LHFPL3: variants seen among roughly 807,000 people sequenced by gnomAD.
The protein encoded by LHFPL3 is LHFPL tetraspan subfamily member 3 protein.
A neutral mutation model predicts 19.3 loss-of-function variants in LHFPL3; 5 were observed. The ratio of observed to expected loss-of-function variants is 0.26; its 90% CI spans 0.14 to 0.54. LHFPL3 has a LOEUF of 0.54. Among genes scored for constraint, LHFPL3 ranks in the 20% least tolerant of loss-of-function variants. LHFPL3 has a pLI of 0.94. For missense variants in LHFPL3, 249 were observed against 307.4 expected (o/e 0.81, Z 1.42); for synonymous variants, 133 against 126.2 (o/e 1.05, Z -0.36).
intron 1 of LHFPL3, among the ~76,000 whole-genome samples, chr7:104,598,494 C>T (rs1029813544): frequency 1.3e-5 from 2 of 152,154 alleles, no homozygotes; most frequent in African/African-American, 4.8e-5. Context: ...GGCAGTGGTC[C>T]AGTCAAAGTA....
At chr7:104,726,358 C>A (rs1359824130) in intron 1 of LHFPL3, among the ~76,000 whole-genome samples, 1 of 150,706 alleles carries the variant, frequency 6.6e-6, no homozygotes, top group East Asian at 1.9e-4. Flanking sequence ...TTCCAAGGTA[C>A]ATGTGCAGGA....
chr7:104,553,768 C>T (rs1331163501), intron 1 of LHFPL3, among the ~76,000 whole-genome samples: 1 of 152,200 alleles, frequency 6.6e-6, no homozygotes, highest in African/African-American at 2.4e-5. Context: ...GCCATACTAA[C>T]ATCCCAGCTG....
chr7:104,543,329 G>C (rs940257860), intron 1 of LHFPL3, among the ~76,000 whole-genome samples: 1 of 152,016 alleles, frequency 6.6e-6, no homozygotes, highest in Non-Finnish European at 1.5e-5. Flanking sequence ...CTGTAAACTA[G>C]TTCAACCATT....
intron 1 of LHFPL3, among the ~76,000 whole-genome samples, chr7:104,557,409 A>C (rs1029320379): frequency 6.6e-6 from 1 of 152,190 alleles, no homozygotes; most frequent in African/African-American, 2.4e-5. Context: ...TTGTGCAAGG[A>C]AACTGTCATT....
At chr7:104,813,588 G>A (rs1790514474) in intron 2 of LHFPL3, among the ~76,000 whole-genome samples, 2 of 152,174 alleles carry the variant, frequency 1.3e-5, no homozygotes. Context: ...GCATGGAATG[G>A]CGAGAGGTGT....
intron 1 of LHFPL3, among the ~76,000 whole-genome samples, chr7:104,636,224 G>C (rs992017830): frequency 1.3e-5 from 2 of 152,104 alleles, no homozygotes; most frequent in Non-Finnish European, 2.9e-5. Flanking sequence ...AATAGTTAGT[G>C]TCTAAAGCAG....
intron 1 of LHFPL3, among the ~76,000 whole-genome samples, chr7:104,704,256 A>G (rs1178859237): frequency 6.6e-6 from 1 of 152,246 alleles, no homozygotes; most frequent in East Asian, 1.9e-4. Flanking sequence ...TAATCATTTA[A>G]TAACACAGCA....
intron 1 of LHFPL3, among the ~76,000 whole-genome samples, chr7:104,471,645 C>T (rs1792907826): frequency 6.6e-6 from 1 of 152,132 alleles, no homozygotes; most frequent in African/African-American, 2.4e-5. Context: ...ATGTTTTCTA[C>T]TCTACTGTGT....
chr7:104,440,035 T>TGGGGG (rs1554394354), intron 1 of LHFPL3, among the ~76,000 whole-genome samples: 1 of 84,902 alleles, frequency 1.2e-5, no homozygotes, highest in Non-Finnish European at 2.7e-5. Context: ...ATACAAAGCC[T>TGGGGG]GGGGGGGGGG....
At chr7:104,495,970 A>G (rs1468481196) in intron 1 of LHFPL3, among the ~76,000 whole-genome samples, 1 of 152,076 alleles carries the variant, frequency 6.6e-6, no homozygotes, top group Non-Finnish European at 1.5e-5. Flanking sequence ...AGAGGAACCA[A>G]GATTTTTTTT....
chr7:104,435,928 G>T (rs182914647), intron 1 of LHFPL3, among the ~76,000 whole-genome samples: 108 of 152,016 alleles, frequency 7.1e-4, no homozygotes, highest in African/African-American at 2.4e-3. Flanking sequence ...AATGGCAAAG[G>T]TATAAATGTA....
In LHFPL3 at chr7:104,898,976, G is replaced by A. The variant is rs962701609; in HGVS notation, c.683-7211G>A. Among the ~76,000 whole-genome samples, 23 of 152,066 alleles carry A rather than the reference G, an allele frequency of 1.5e-4. 1 individual carries two copies. In the Middle Eastern group the frequency reaches 0.01, roughly 67 times the overall value. On this transcript the variant is annotated intron_variant, in intron 2 of 2. Transcript: ENST00000424859. ...AAATTAGCCAGGCATGGTGGTATGC[G>A]CCTGTAGTCCCAGCTACTTACGGGG...
chr7:104,644,632 A>G (rs80112427), intron 1 of LHFPL3, among the ~76,000 whole-genome samples: 4 of 152,268 alleles, frequency 2.6e-5, no homozygotes, highest in Non-Finnish European at 5.9e-5. Flanking sequence ...GATATTCAGC[A>G]GTATGTGATA....
chr7:104,688,496 T>G (rs1410649173), intron 1 of LHFPL3, among the ~76,000 whole-genome samples: 1 of 152,180 alleles, frequency 6.6e-6, no homozygotes, highest in Admixed American at 6.5e-5. Flanking sequence ...TGGGAGGACC[T>G]TGATGAAGCT....
At chr7:104,869,819 T>C (rs997615887) in intron 2 of LHFPL3, among the ~76,000 whole-genome samples, 2 of 152,106 alleles carry the variant, frequency 1.3e-5, no homozygotes, top group Non-Finnish European at 2.9e-5. Flanking sequence ...CTATTCACAA[T>C]AGCAAAGACT....
intron 2 of LHFPL3, among the ~76,000 whole-genome samples, chr7:104,811,914 A>G (rs781548486): frequency 9.2e-5 from 14 of 152,256 alleles, no homozygotes; most frequent in Non-Finnish European, 1.6e-4. Context: ...TTGCAAAGTA[A>G]GTCTGCTGAA....
chr7:104,531,746 C>T (rs10255284), intron 1 of LHFPL3, among the ~76,000 whole-genome samples: 87,658 of 151,956 alleles, frequency 0.58, 25,450 homozygotes, highest in Middle Eastern at 0.64. Flanking sequence ...TATTTCTTTA[C>T]TTTTCAGTTA....
intron 1 of LHFPL3, among the ~76,000 whole-genome samples, chr7:104,632,030 T>C (rs1331581781): frequency 1.3e-5 from 2 of 152,198 alleles, no homozygotes; most frequent in Non-Finnish European, 2.9e-5. Context: ...TGGATAGGGA[T>C]GGGACAGATT....
At position 104,328,998 on chromosome 7, in the gene LHFPL3, C is replaced by G; in HGVS notation, c.219C>G (p.Phe73Leu). 6.2e-7 allele frequency: 1 copy of G among 1,614,152 alleles called. No individual in the cohort carries two copies. The change falls in exon 1 of 3, where the codon TTC becomes TTG. Residue 73 changes from phenylalanine (F) to leucine (L), a missense_variant. Phe to Leu is a conservative substitution (Grantham distance 22, BLOSUM62 0). Transcript: ENST00000424859. The surrounding 1 kb of genome is among the most constrained non-coding windows in gnomAD (Gnocchi z 4.6). ...TGGACACCCCGCAAGCCGGCTATTTCGGGCTCTTCCACTACTGCATCGGCA... is the reference window on the plus strand; with the variant it reads ...TGGACACCCCGCAAGCCGGCTATTTGGGGCTCTTCCACTACTGCATCGGCA... Reference protein sequence around the residue: ...DGVDTPQAGYFGLFHYCIGNG... With the variant: ...DGVDTPQAGYLGLFHYCIGNG...
Sources: allele counts gnomAD v4.1 joint callset (sites outside exome capture counted in the v4.1 genomes callset), GRCh38; gene constraint gnomAD v4.1.1; non-coding constraint Gnocchi (gnomAD v3.1); transcripts MANE v1.5; gene names NCBI Gene and HGNC (gene_info 2026-07-23, HGNC 2026-07-21).